MBD5: variants seen among roughly 807,000 people sequenced by gnomAD.
MBD5 encodes methyl-CpG binding domain protein 5.
A neutral mutation model predicts 117.3 loss-of-function variants in MBD5; 13 were observed. That is an observed-to-expected ratio of 0.11 (90% CI 0.07 to 0.18). The LOEUF is 0.18. Ranked by LOEUF, MBD5 falls within the 10% of genes least tolerant of loss-of-function variation. The pLI is 1.00. For missense variants in MBD5, 1,879 were observed against 2,093.8 expected, an observed-to-expected ratio of 0.90 and a Z score of 2.00; for synonymous variants, 727 against 766.4, an observed-to-expected ratio of 0.95 and a Z score of 0.85.
chr2:148,276,434 C>T (rs1209897541), intron 3 of MBD5, among the ~76,000 whole-genome samples: 1 of 152,046 alleles, frequency 6.6e-6, no homozygotes, highest in Non-Finnish European at 1.5e-5. Context: ...TACCATTTGC[C>T]ATATTTGGTT....
chr2:148,409,608 A>G (rs1223942391), intron 4 of MBD5, among the ~76,000 whole-genome samples: 2 of 152,136 alleles, frequency 1.3e-5, no homozygotes, highest in African/African-American at 4.8e-5. Flanking sequence ...ACCTAGACAT[A>G]TATATAAGTA....
chr2:148,244,450 G>A (rs1700290421), intron 3 of MBD5: 1 of 152,002 alleles, frequency 6.6e-6, no homozygotes, highest in Admixed American at 6.6e-5. Context: ...TTTTGAATAG[G>A]TAGCCCTTCA....
chr2:148,346,031 A>T (rs1239265934), intron 4 of MBD5: 1 of 151,916 alleles, frequency 6.6e-6, no homozygotes, highest in Non-Finnish European at 1.5e-5. Context: ...GCACCCACAC[A>T]GACACACCCA....
At chr2:148,224,355 A>T (rs1315417816) in intron 2 of MBD5, among the ~76,000 whole-genome samples, 4 of 151,422 alleles carry the variant, frequency 2.6e-5, no homozygotes, top group African/African-American at 7.3e-5. Flanking sequence ...TTATTTATTT[A>T]TTTTTTGAGA....
chr2:148,254,583 T>C (rs1347774144), intron 3 of MBD5, among the ~76,000 whole-genome samples: 1 of 152,098 alleles, frequency 6.6e-6, no homozygotes, highest in Admixed American at 6.5e-5. Flanking sequence ...AGGAGAACAG[T>C]GGCAGGTACA....
Position 148,469,942 on chromosome 2 carries a change from T to A in MBD5, c.1999T>A (p.Leu667Met), listed in dbSNP as rs529715710. The A allele has an allele frequency of 3.1e-6, 5 of 1,613,978 alleles. No individual in the cohort carries two copies. Among genetic ancestry groups the A allele is most frequent in the Non-Finnish European group, 3.4e-6 (4 of 1,179,898 alleles). ...RKRKQPPTTVLSLLRQSQMDS... is the reference protein window; with the variant it reads ...RKRKQPPTTVMSLLRQSQMDS... ...AAGAAAACAACCACCTACGACAGTG[T>A]TGAGTTTGCTCAGACAGTCTCAAAT... The change falls in exon 8 of 14, where the codon TTG becomes ATG. Residue 667 changes from leucine (L) to methionine (M), a missense_variant. Around this residue, in one of 4 missense-constraint regions of MBD5, gnomAD observed 1,666 missense variants for 1,792.2 expected, o/e 0.93. Coordinates refer to ENST00000642680, the MANE Select transcript of MBD5 (RefSeq NM_001378120.1).
chr2:148,441,036 C>T (rs561091958), intron 4 of MBD5, among the ~76,000 whole-genome samples: 1 of 151,974 alleles, frequency 6.6e-6, no homozygotes, highest in African/African-American at 2.4e-5. Context: ...CTTTTATGCC[C>T]TTGGTATTGG....
intron 1 of MBD5, among the ~76,000 whole-genome samples, chr2:148,109,701 A>G (rs188680361): frequency 1.3e-5 from 2 of 152,318 alleles, no homozygotes; most frequent in East Asian, 1.9e-4. Context: ...ATAACTCAAT[A>G]AAGCTGTAGG....
chr2:148,118,427 T>TAA (rs11393692), intron 1 of MBD5, among the ~76,000 whole-genome samples: 12 of 145,570 alleles, frequency 8.2e-5, no homozygotes, highest in South Asian at 6.4e-4. Flanking sequence ...CTGGGCAACA[T>TAA]AAAAAAAAAT....
At chr2:148,207,460 A>G (rs909964401) in intron 2 of MBD5, among the ~76,000 whole-genome samples, 5 of 151,592 alleles carry the variant, frequency 3.3e-5, no homozygotes, top group Non-Finnish European at 5.9e-5. Flanking sequence ...AAGGACAAAA[A>G]AAAAACCCTT....
At chr2:148,181,624 G>C (rs763526472) in intron 2 of MBD5, among the ~76,000 whole-genome samples, 4 of 151,724 alleles carry the variant, frequency 2.6e-5, no homozygotes, top group Non-Finnish European at 5.9e-5. Flanking sequence ...TATACCTGTT[G>C]GCCTTTTGAT....
intron 3 of MBD5, among the ~76,000 whole-genome samples, chr2:148,273,696 C>A (rs1701037699): frequency 6.6e-6 from 1 of 152,220 alleles, no homozygotes; most frequent in Non-Finnish European, 1.5e-5. Context: ...ACCAAATTCT[C>A]CCTGGAGGCA....
At chr2:148,043,484 T>TAAATAAATAAATAAAA (rs1018376982) in intron 1 of MBD5, among the ~76,000 whole-genome samples, 402 of 138,098 alleles carry the variant, frequency 2.9e-3, no homozygotes, top group East Asian at 8.1e-3. Flanking sequence ...AATAAATAAA[T>TAAATAAATAAATAAAA]AAAAGAATAG....
chr2:148,250,038 A>G (rs1342397711), intron 3 of MBD5, among the ~76,000 whole-genome samples: 1 of 152,138 alleles, frequency 6.6e-6, no homozygotes, highest in East Asian at 1.9e-4. Flanking sequence ...TCTACCTCTC[A>G]TAACTACCCT....
chr2:148,386,629 G>GGT (rs774312782), intron 4 of MBD5, among the ~76,000 whole-genome samples: 16 of 146,168 alleles, frequency 1.1e-4, no homozygotes, highest in South Asian at 2.1e-4. Context: ...TGAGGCAGGA[G>GGT]AATGGCGTGA....
intron 4 of MBD5, among the ~76,000 whole-genome samples, chr2:148,404,095 C>T (rs1705005776): frequency 6.7e-6 from 1 of 149,538 alleles, no homozygotes. Flanking sequence ...CTGTGCATGC[C>T]TGATCATTTT....
intron 4 of MBD5, among the ~76,000 whole-genome samples, chr2:148,405,028 G>A (rs1036766903): frequency 2.0e-5 from 3 of 151,796 alleles, no homozygotes; most frequent in African/African-American, 7.3e-5. Context: ...ATTTGTTCTG[G>A]ACTTGATAAA....
chr2:148,073,683 A>G (rs1695418953), intron 1 of MBD5, among the ~76,000 whole-genome samples: 1 of 152,200 alleles, frequency 6.6e-6, no homozygotes, highest in Non-Finnish European at 1.5e-5. Flanking sequence ...GTCTCATTGT[A>G]TCTACACAAC....
chr2:148,397,737 GGTGT>G (rs1487090666), intron 4 of MBD5, among the ~76,000 whole-genome samples: 4 of 151,882 alleles, frequency 2.6e-5, no homozygotes, highest in Admixed American at 6.6e-5. Context: ...GTGCCATGTT[GGTGT>G]GCTGCACCCG....
Sources: allele counts gnomAD v4.1 joint callset (sites outside exome capture counted in the v4.1 genomes callset), GRCh38; gene constraint gnomAD v4.1.1; regional missense constraint gnomAD v4.1.1; transcripts MANE v1.5; gene names NCBI Gene and HGNC (gene_info 2026-07-23, HGNC 2026-07-21).